C1orf21: variants seen among roughly 807,000 people sequenced by gnomAD.
C1orf21 encodes uncharacterized protein C1orf21.
In C1orf21, 3 loss-of-function variants were observed where a neutral mutation model predicts 18.7. The ratio of observed to expected loss-of-function variants is 0.16; its 90% CI spans 0.07 to 0.42. The LOEUF (loss-of-function observed/expected upper bound fraction) is 0.42. Among genes scored for constraint, C1orf21 ranks in the 10% least tolerant of loss-of-function variants. C1orf21 has a pLI of 0.99. For missense variants in C1orf21, 104 were observed against 143.6 expected, an observed-to-expected ratio of 0.72 and a Z score of 1.41; for synonymous variants, 41 against 46.4, an observed-to-expected ratio of 0.88 and a Z score of 0.47.
chr1:184,511,554 T>C (rs12756319), intron 3 of C1orf21, among the ~76,000 whole-genome samples: 8,353 of 152,256 alleles, frequency 0.055, 304 homozygotes, highest in Non-Finnish European at 0.07. Flanking sequence ...AATATTTTTG[T>C]TGGTTTGAAT....
intron 1 of C1orf21, among the ~76,000 whole-genome samples, chr1:184,405,902 T>C (rs1470077207): frequency 6.6e-6 from 1 of 152,198 alleles, no homozygotes; most frequent in African/African-American, 2.4e-5. Context: ...TGAATCCCTA[T>C]CTTATCTTCT....
Position 184,431,817 on chromosome 1 carries a change from C to A in C1orf21, c.-125+44449C>A, listed in dbSNP as rs568139656. On this transcript the variant is annotated intron_variant, in intron 1 of 5. Coordinates refer to ENST00000235307, the MANE Select transcript of C1orf21 (RefSeq NM_030806.4). ...ATCAAAAAGTGGCCAGGAACTCAAA[C>A]AAATTTACTAGAAAAAAACAAACAA... Among the ~76,000 whole-genome samples, 5 of 151,986 alleles carry A rather than the reference C, an allele frequency of 3.3e-5. No homozygotes were observed. In the East Asian group the frequency reaches 5.8e-4, roughly 18 times the overall value.
intron 2 of C1orf21, among the ~76,000 whole-genome samples, chr1:184,485,672 G>C (rs1657722760): frequency 6.6e-6 from 1 of 152,054 alleles, no homozygotes. Context: ...AGGGGTACAT[G>C]GGGGACCACC....
chr1:184,424,488 G>A (rs756127193), intron 1 of C1orf21, among the ~76,000 whole-genome samples: 10 of 152,106 alleles, frequency 6.6e-5, no homozygotes, highest in Non-Finnish European at 8.8e-5. Flanking sequence ...CTTCCCAAAC[G>A]TTCTGTAAAT....
At chr1:184,599,281 G>T (rs1183476917) in intron 5 of C1orf21, 1 of 152,080 alleles carries the variant, frequency 6.6e-6, no homozygotes, top group Non-Finnish European at 1.5e-5. Flanking sequence ...TTTTACCTTT[G>T]AAATCTTTCT....
intron 1 of C1orf21, among the ~76,000 whole-genome samples, chr1:184,427,628 ATG>A (rs1488134813): frequency 6.6e-6 from 1 of 152,138 alleles, no homozygotes; most frequent in African/African-American, 2.4e-5. Flanking sequence ...GTTGAAATGA[ATG>A]AAATTGATGT....
At chr1:184,542,055 A>G (rs1658659854) in intron 3 of C1orf21, among the ~76,000 whole-genome samples, 4 of 152,186 alleles carry the variant, frequency 2.6e-5, no homozygotes, top group Non-Finnish European at 4.4e-5. Context: ...TTCCTCTTCT[A>G]TACCGGGTGC....
chr1:184,591,608 C>A (rs756435625), intron 4 of C1orf21, among the ~76,000 whole-genome samples: 1 of 152,088 alleles, frequency 6.6e-6, no homozygotes, highest in Admixed American at 6.5e-5. Context: ...AGATCGAGAC[C>A]ATCCTGGCTA....
At chr1:184,513,460 A>G (rs1658180175) in intron 3 of C1orf21, among the ~76,000 whole-genome samples, 1 of 152,260 alleles carries the variant, frequency 6.6e-6, no homozygotes, top group African/African-American at 2.4e-5. Flanking sequence ...GATGGTTTAC[A>G]GTAGAGGACA....
chr1:184,390,147 T>C (rs1016580959), intron 1 of C1orf21, among the ~76,000 whole-genome samples: 1 of 152,246 alleles, frequency 6.6e-6, no homozygotes. Flanking sequence ...TTCCTCCAGC[T>C]TCTTAGAACC....
At chr1:184,518,642 A>T (rs1658263587) in intron 3 of C1orf21, among the ~76,000 whole-genome samples, 1 of 152,132 alleles carries the variant, frequency 6.6e-6, no homozygotes, top group Non-Finnish European at 1.5e-5. Flanking sequence ...TACATGCTCA[A>T]CACTGAACTG....
chr1:184,466,834 C>G (rs968138912), intron 1 of C1orf21, among the ~76,000 whole-genome samples: 1 of 151,902 alleles, frequency 6.6e-6, no homozygotes, highest in African/African-American at 2.4e-5. Context: ...AGTTGTCTTA[C>G]TTATTTTGGA....
intron 1 of C1orf21, among the ~76,000 whole-genome samples, chr1:184,461,965 A>G (rs1386597683): frequency 6.6e-6 from 1 of 152,216 alleles, no homozygotes; most frequent in African/African-American, 2.4e-5. Context: ...ACCCTTAACT[A>G]GAAATGCCCA....
intron 5 of C1orf21, among the ~76,000 whole-genome samples, chr1:184,603,154 T>C (rs1659606879): frequency 1.3e-5 from 2 of 152,238 alleles, no homozygotes. Context: ...TTATGTATTT[T>C]GCTGGTGTGC....
chr1:184,536,237 A>G (rs1365031769), intron 3 of C1orf21, among the ~76,000 whole-genome samples: 3 of 152,084 alleles, frequency 2.0e-5, no homozygotes, highest in Non-Finnish European at 4.4e-5. Context: ...ACAAACATTT[A>G]TTTCTTCCAC....
chr1:184,476,281 G>T (rs1006359442), intron 1 of C1orf21, among the ~76,000 whole-genome samples: 1 of 152,126 alleles, frequency 6.6e-6, no homozygotes, highest in Non-Finnish European at 1.5e-5. Flanking sequence ...CATGGGCGGG[G>T]GGCAGTGGGA....
intron 3 of C1orf21, among the ~76,000 whole-genome samples, chr1:184,585,255 A>G (rs1008677751): frequency 2.0e-5 from 3 of 152,074 alleles, no homozygotes; most frequent in African/African-American, 4.8e-5. Context: ...CTAAGAGGCT[A>G]TTTGCTTTTC....
chr1:184,433,840 A>G (rs1656814016), intron 1 of C1orf21, among the ~76,000 whole-genome samples: 1 of 152,110 alleles, frequency 6.6e-6, no homozygotes, highest in South Asian at 2.1e-4. Context: ...TTTCAATCCT[A>G]GGAACAATGC....
chr1:184,500,684 C>G (rs904249016), intron 2 of C1orf21, among the ~76,000 whole-genome samples: 1 of 152,146 alleles, frequency 6.6e-6, no homozygotes, highest in Admixed American at 6.5e-5. Context: ...GTGCTGTGTT[C>G]GTTGTAATTC....
Sources: allele counts gnomAD v4.1 joint callset (sites outside exome capture counted in the v4.1 genomes callset), GRCh38; gene constraint gnomAD v4.1.1; transcripts MANE v1.5; gene names NCBI Gene and HGNC (gene_info 2026-07-23, HGNC 2026-07-21).